Variants in LDLRAD4 observed in about 807,000 individuals in gnomAD.
LDLRAD4 encodes the protein low density lipoprotein receptor class A domain containing 4.
Under a neutral mutation model 17.0 loss-of-function variants are expected in LDLRAD4, and 5 were observed. The ratio of observed to expected loss-of-function variants is 0.29; its 90% CI spans 0.15 to 0.62. The LOEUF (loss-of-function observed/expected upper bound fraction) is 0.62. Among genes scored for constraint, LDLRAD4 ranks in the 20% least tolerant of loss-of-function variants. The probability of loss-of-function intolerance (pLI) is 0.84; values close to 1 mark genes in which losing one functional copy is unlikely to be tolerated. For synonymous variants in LDLRAD4, 168 were observed against 171.8 expected (o/e 0.98, Z 0.17); for missense variants, 340 against 424.7 (o/e 0.80, Z 1.75).
chr18:13,550,190 G>T (rs1009313007), intron 3 of LDLRAD4, among the ~76,000 whole-genome samples: 8 of 152,112 alleles, frequency 5.3e-5, no homozygotes, highest in African/African-American at 1.9e-4. Flanking sequence ...ATGGAAAAGG[G>T]TTCCACCAAA....
rs747994309 is a variant in LDLRAD4, at chr18:13,438,396, C to T, written c.181+12C>T. 395 of 1,612,578 alleles carry T rather than the reference C, an allele frequency of 2.4e-4. No homozygotes were observed. Among genetic ancestry groups the T allele is most frequent in the Non-Finnish European group, 3.2e-4 (376 of 1,179,200 alleles). ...GGGCATCTTCAACTGTAAGTCTCTC[C>T]TCCCACCTGGGTGGCACTGTCTGAT... On this transcript the variant is annotated intron_variant, in intron 3 of 5. Transcript: ENST00000359446.
chr18:13,647,350 G>C (rs553457771), exon 6 of LDLRAD4: 1 of 152,164 alleles, frequency 6.6e-6, no homozygotes, highest in Non-Finnish European at 1.5e-5. Flanking sequence ...GACACTGCGC[G>C]TGGAGAAGGG....
exon 3 of LDLRAD4, chr18:13,438,370 C>T (rs202231144): frequency 1.7e-5 from 27 of 1,613,966 alleles, no homozygotes; most frequent in Admixed American, 3.3e-5. Context: ...CACCCGCCTC[C>T]GGGCATCTTC....
At chr18:13,573,459 C>T (rs1051788694) in intron 3 of LDLRAD4, among the ~76,000 whole-genome samples, 43 of 152,080 alleles carry the variant, frequency 2.8e-4, no homozygotes, top group African/African-American at 9.9e-4. Context: ...AGGCTGGTCT[C>T]GAACTCCTGG....
intron 2 of LDLRAD4, among the ~76,000 whole-genome samples, chr18:13,422,573 C>T (rs531361085): frequency 6.6e-6 from 1 of 151,856 alleles, no homozygotes; most frequent in East Asian, 1.9e-4. Flanking sequence ...TGGCCTGTGC[C>T]TGTAGTCCCA....
At position 13,300,713 on chromosome 18, in the gene LDLRAD4, C is replaced by CA; in HGVS notation, c.-383+22526dup. 6.6e-6 allele frequency among the ~76,000 whole-genome samples: 1 copy of CA among 152,218 alleles called. No homozygotes were observed. Among genetic ancestry groups the CA allele is most frequent in the Non-Finnish European group, 1.5e-5 (1 of 68,034 alleles). On this transcript the variant is annotated intron_variant, in intron 1 of 5. Coordinates refer to ENST00000359446, the Ensembl canonical transcript of LDLRAD4. The surrounding 1 kb of genome is among the most constrained non-coding windows in gnomAD (Gnocchi z 4.2). ...TGGTGGCGTTCACACTAAGAAGTGT[C>CA]AGAGTGGGCAGAGGGAATGCATTGG... is the stretch of plus-strand genomic sequence containing the variant.
Position 13,418,391 on chromosome 18 carries a change from TG to T in LDLRAD4, c.41-19849del, listed in dbSNP as rs368800142. Among the ~76,000 whole-genome samples, 274 of 152,362 alleles carry T rather than the reference TG, an allele frequency of 1.8e-3. 1 individual carries two copies. The highest frequency in any genetic ancestry group is 6.8e-3 in the Middle Eastern group (2 of 294). ...CCCTGAGACTTGCAAGTTCATACCA[TG>T]GGGTCTGGCCTGAGGCAAGCCTCTT... On this transcript the variant is annotated intron_variant, in intron 2 of 5. Transcript: ENST00000359446.
At chr18:13,219,375 TA>T (rs1382489111) in intron 1 of LDLRAD4, among the ~76,000 whole-genome samples, 5 of 152,236 alleles carry the variant, frequency 3.3e-5, no homozygotes, top group African/African-American at 1.2e-4. Flanking sequence ...TAGAATTAGA[TA>T]ATTTTGATTT....
intron 3 of LDLRAD4, among the ~76,000 whole-genome samples, chr18:13,511,111 G>A (rs1290517772): frequency 6.6e-6 from 1 of 152,162 alleles, no homozygotes; most frequent in Non-Finnish European, 1.5e-5. Context: ...CTCACACACA[G>A]GATCTGTGAG....
chr18:13,255,200 C>A (rs1038264177), intron 1 of LDLRAD4, among the ~76,000 whole-genome samples: 1 of 152,212 alleles, frequency 6.6e-6, no homozygotes, highest in African/African-American at 2.4e-5. Flanking sequence ...GCCCGCCCCC[C>A]CCAGCCCCGG....
chr18:13,293,847 CT>C (rs2046110428), intron 1 of LDLRAD4, among the ~76,000 whole-genome samples: 1 of 152,198 alleles, frequency 6.6e-6, no homozygotes, highest in Admixed American at 6.5e-5. Context: ...AAAAATGCGG[CT>C]TTCCCCCCTT....
At chr18:13,307,664 C>G (rs2046993056) in intron 1 of LDLRAD4, among the ~76,000 whole-genome samples, 1 of 152,188 alleles carries the variant, frequency 6.6e-6, no homozygotes, top group South Asian at 2.1e-4. Context: ...AGTGATCCTC[C>G]CCCTTCAGCC....
At chr18:13,287,205 A>G (rs1567969419) in intron 1 of LDLRAD4, among the ~76,000 whole-genome samples, 1 of 152,226 alleles carries the variant, frequency 6.6e-6, no homozygotes, top group African/African-American at 2.4e-5. Context: ...AAGTCTGCAA[A>G]TATCTTAGTA....
chr18:13,415,416 G>A (rs1329811313), intron 2 of LDLRAD4, among the ~76,000 whole-genome samples: 1 of 152,222 alleles, frequency 6.6e-6, no homozygotes, highest in Non-Finnish European at 1.5e-5. Flanking sequence ...CTGATGATGT[G>A]GCTCTTCTGA....
At chr18:13,291,496 A>G (rs928293469) in intron 1 of LDLRAD4, among the ~76,000 whole-genome samples, 2 of 152,162 alleles carry the variant, frequency 1.3e-5, no homozygotes, top group African/African-American at 4.8e-5. Flanking sequence ...TGGTTGCAGA[A>G]CGTGTAGCTT....
At chr18:13,415,328 T>C (rs910239571) in intron 2 of LDLRAD4, among the ~76,000 whole-genome samples, 7 of 152,354 alleles carry the variant, frequency 4.6e-5, no homozygotes, top group African/African-American at 1.7e-4. Context: ...ACTGGAAGTA[T>C]GACCTTTCTC....
At chr18:13,258,438 C>T (rs1223564174) in intron 1 of LDLRAD4, among the ~76,000 whole-genome samples, 1 of 151,984 alleles carries the variant, frequency 6.6e-6, no homozygotes, top group Non-Finnish European at 1.5e-5. Context: ...GGTGAAAACA[C>T]TTGAAATGAG....
At chr18:13,496,939 C>A (rs28567595) in intron 3 of LDLRAD4, among the ~76,000 whole-genome samples, 2,776 of 152,326 alleles carry the variant, frequency 0.018, 95 homozygotes, top group African/African-American at 0.064. Flanking sequence ...AGAACTTCCC[C>A]ATTAATAACC....
intron 2 of LDLRAD4, among the ~76,000 whole-genome samples, chr18:13,430,169 C>T (rs11663519): frequency 0.38 from 57,528 of 151,980 alleles, 12,444 homozygotes; most frequent in Non-Finnish European, 0.49. Context: ...CATTTTGGGG[C>T]CCACGTTTCT....
Sources: allele counts gnomAD v4.1 joint callset (sites outside exome capture counted in the v4.1 genomes callset), GRCh38; gene constraint gnomAD v4.1.1; non-coding constraint Gnocchi (gnomAD v3.1); transcripts MANE v1.5; gene names NCBI Gene and HGNC (gene_info 2026-07-23, HGNC 2026-07-21).